COL5A2: variants seen among roughly 807,000 people sequenced by gnomAD.
COL5A2 encodes collagen type V alpha 2 chain.
A neutral mutation model predicts 208.2 loss-of-function variants in COL5A2; 23 were observed. The observed-to-expected ratio is 0.11, with a 90% CI of 0.08 to 0.16. The LOEUF (loss-of-function observed/expected upper bound fraction) is 0.16. Among genes scored for constraint, COL5A2 ranks in the 10% least tolerant of loss-of-function variants. The probability of loss-of-function intolerance (pLI) is 1.00; values close to 1 mark genes in which losing one functional copy is unlikely to be tolerated. For synonymous variants in COL5A2, 625 were observed against 628.5 expected, an observed-to-expected ratio of 0.99 and a Z score of 0.08; for missense variants, 1,590 against 1,956.4, an observed-to-expected ratio of 0.81 and a Z score of 3.53.
At chr2:189,130,129 T>C (rs1687682900) in intron 1 of COL5A2, among the ~76,000 whole-genome samples, 1 of 152,094 alleles carries the variant, frequency 6.6e-6, no homozygotes, top group Non-Finnish European at 1.5e-5. Flanking sequence ...CATTCCTGAA[T>C]ACTTTTATTT....
intron 13 of COL5A2, 95 bp downstream of exon 13, chr2:189,080,895 G>T: frequency 1.9e-6 from 2 of 1,043,146 alleles, no homozygotes; most frequent in South Asian, 1.3e-5. Context: ...AAGGACAATT[G>T]ACAAATTGAC....
chr2:189,132,856 G>T (rs1182896459), intron 1 of COL5A2, among the ~76,000 whole-genome samples: 3 of 151,918 alleles, frequency 2.0e-5, no homozygotes, highest in African/African-American at 7.2e-5. Context: ...AGGAGGCAGA[G>T]ATTGCAGCGA....
the COL5A2 span, among the ~76,000 whole-genome samples, chr2:189,234,438 T>C: frequency 6.6e-6 from 1 of 151,830 alleles, no homozygotes; most frequent in Non-Finnish European, 1.5e-5. Flanking sequence ...TTCCATATAT[T>C]GGCTGAATCG....
chr2:189,062,848 A>G lies in COL5A2; in HGVS notation c.1977+17T>C, dbSNP rs903193186. On this transcript the variant is annotated intron_variant, in intron 29 of 53. Coordinates refer to ENST00000374866, the MANE Select transcript of COL5A2 (RefSeq NM_000393.5). ...TATATATATATTCTCACACACACAC[A>G]CACAAAAATCACATACCGGCGGGCC... 6.2e-7 allele frequency: 1 copy of G among 1,614,122 alleles called. No individual in the cohort carries two copies. Among genetic ancestry groups the G allele is most frequent in the East Asian group, 2.2e-5 (1 of 44,880 alleles).
chr2:189,343,438 A>G, the COL5A2 span, among the ~76,000 whole-genome samples: 1 of 152,102 alleles, frequency 6.6e-6, no homozygotes, highest in African/African-American at 2.4e-5. Flanking sequence ...TACAGTTTTT[A>G]AAAATACTTT....
At chr2:189,053,164 T>A (rs1685828213) in intron 38 of COL5A2, 146 bp from the exon 39 acceptor site, 1 of 769,964 alleles carries the variant, frequency 1.3e-6, no homozygotes, top group South Asian at 1.8e-5. Flanking sequence ...GGAAAAAAAG[T>A]ACTCTGATGA....
At chr2:189,082,837 G>A (rs1686565801) in intron 12 of COL5A2, among the ~76,000 whole-genome samples, 1 of 152,194 alleles carries the variant, frequency 6.6e-6, no homozygotes, top group African/African-American at 2.4e-5. Flanking sequence ...ACCTGGATGG[G>A]TTGAAAAGGA....
chr2:189,412,254 GTTTATAGTAGAGAGGGA>G, the COL5A2 span, among the ~76,000 whole-genome samples: 1 of 152,080 alleles, frequency 6.6e-6, no homozygotes, highest in African/African-American at 2.4e-5. Flanking sequence ...TTCGTGAAAT[GTTTATAGTAGAGAGGGA>G]AAAGACAGTG....
chr2:189,230,729 ACGCAC>A, the COL5A2 span, among the ~76,000 whole-genome samples: 2 of 151,898 alleles, frequency 1.3e-5, no homozygotes, highest in East Asian at 3.9e-4. Context: ...TGGAACACTT[ACGCAC>A]TGTTGGTAGA....
the COL5A2 span, among the ~76,000 whole-genome samples, chr2:189,274,008 C>CAAA: frequency 7.2e-4 from 104 of 143,990 alleles, 1 homozygote; most frequent in Middle Eastern, 7.1e-3. Flanking sequence ...ATTCTTACCA[C>CAAA]AAAAAAAAAA....
intron 1 of COL5A2, among the ~76,000 whole-genome samples, chr2:189,155,357 T>C (rs1265334102): frequency 2.7e-3 from 1 of 374 alleles, no homozygotes; most frequent in Non-Finnish European, 0.031. Context: ...TGCTCTACAT[T>C]TTGCTCCTTT....
chr2:189,067,091 A>T (rs895888065), intron 21 of COL5A2, among the ~76,000 whole-genome samples: 8 of 152,168 alleles, frequency 5.3e-5, no homozygotes, highest in African/African-American at 1.9e-4. Flanking sequence ...CAAATTTGAA[A>T]ATTAAAATTG....
the COL5A2 span, among the ~76,000 whole-genome samples, chr2:189,288,847 G>A: frequency 6.6e-6 from 1 of 152,038 alleles, no homozygotes; most frequent in African/African-American, 2.4e-5. Flanking sequence ...ATGTTAAAGG[G>A]ATCATTCACC....
Position 189,057,335 on chromosome 2 carries a change from G to A in COL5A2, c.2322C>T (p.Gly774=), listed in dbSNP as rs549187703. The change falls in exon 34 of 54, where the codon GGC becomes GGT. Residue 774 remains glycine, a synonymous_variant. Coordinates refer to ENST00000374866, the MANE Select transcript of COL5A2 (RefSeq NM_000393.5). ...PGERGIAGTP[G]PKGDRGGIGE... ...AAGGACTTACTCTGTCACCCTTGGG[G>A]CCAGGAGTTCCTGCAATTCCTCTTT... is the stretch of plus-strand genomic sequence containing the variant. 1.1e-5 allele frequency: 18 copies of A among 1,605,042 alleles called. No individual in the cohort carries two copies. The highest frequency in any genetic ancestry group is 1.4e-5 in the Non-Finnish European group (17 of 1,173,492).
chr2:189,390,878 A>G, the COL5A2 span, among the ~76,000 whole-genome samples: 1 of 152,208 alleles, frequency 6.6e-6, no homozygotes, highest in Non-Finnish European at 1.5e-5. Flanking sequence ...TAAGGCATCC[A>G]TAATTTATTT....
intron 1 of COL5A2, among the ~76,000 whole-genome samples, chr2:189,211,256 A>C (rs927548712): frequency 3.9e-5 from 6 of 152,168 alleles, no homozygotes; most frequent in African/African-American, 1.2e-4. Context: ...GCTTTCCAAA[A>C]TTTCATTGTT....
the COL5A2 span, among the ~76,000 whole-genome samples, chr2:189,354,798 C>T: frequency 0.95 from 144,825 of 152,212 alleles, 69,295 homozygotes; most frequent in East Asian, 1. Flanking sequence ...GCTCTGATCT[C>T]AGTTATTTCT....
At chr2:189,386,484 C>G in the COL5A2 span, among the ~76,000 whole-genome samples, 1 of 151,900 alleles carries the variant, frequency 6.6e-6, no homozygotes, top group Non-Finnish European at 1.5e-5. Flanking sequence ...GTAAGTGGGA[C>G]CTAATTAAAC....
the COL5A2 span, among the ~76,000 whole-genome samples, chr2:189,270,680 A>G: frequency 6.6e-6 from 1 of 152,066 alleles, no homozygotes; most frequent in South Asian, 2.1e-4. Flanking sequence ...AGAGAAAGAA[A>G]TAAAGGGTAT....
Sources: allele counts gnomAD v4.1 joint callset (sites outside exome capture counted in the v4.1 genomes callset), GRCh38; gene constraint gnomAD v4.1.1; transcripts MANE v1.5; gene names NCBI Gene and HGNC (gene_info 2026-07-23, HGNC 2026-07-21).